Variants in NCAM2 observed in about 807,000 individuals in gnomAD.
NCAM2 encodes neural cell adhesion molecule 2.
A neutral mutation model predicts 98.1 loss-of-function variants in NCAM2; 30 were observed. That is an observed-to-expected ratio of 0.31 (90% CI 0.23 to 0.41). The LOEUF (loss-of-function observed/expected upper bound fraction) is 0.41. Among genes scored for constraint, NCAM2 ranks in the 10% least tolerant of loss-of-function variants. NCAM2 has a pLI of 1.00. For synonymous variants in NCAM2, 368 were observed against 342.4 expected, an observed-to-expected ratio of 1.07 and a Z score of -0.83; for missense variants, 867 against 1,005.8, an observed-to-expected ratio of 0.86 and a Z score of 1.87.
chr21:21,400,796 T>C (rs1489301934), intron 9 of NCAM2, among the ~76,000 whole-genome samples: 1 of 152,102 alleles, frequency 6.6e-6, no homozygotes, highest in Non-Finnish European at 1.5e-5. Context: ...CACCAGAGGC[T>C]TTTATAAACA....
chr21:21,101,453 G>A (rs1323919841), intron 1 of NCAM2, among the ~76,000 whole-genome samples: 3 of 152,002 alleles, frequency 2.0e-5, no homozygotes, highest in African/African-American at 7.2e-5. Flanking sequence ...ATGGACTCAT[G>A]CATACTCTCA....
chr21:21,013,774 T>A (rs1254882429), intron 1 of NCAM2, among the ~76,000 whole-genome samples: 1 of 129,024 alleles, frequency 7.8e-6, no homozygotes, highest in African/African-American at 2.9e-5. Context: ...AGAGTGAAAC[T>A]GCATCTCAAA....
intron 5 of NCAM2, among the ~76,000 whole-genome samples, chr21:21,306,340 T>G (rs2073878908): frequency 6.6e-6 from 1 of 152,150 alleles, no homozygotes; most frequent in African/African-American, 2.4e-5. Context: ...CAGTTTATTC[T>G]CCATGTATTT....
At chr21:21,477,250 T>G (rs77547323) in intron 14 of NCAM2, 41 bp from the exon 15 acceptor site, 1 of 1,467,288 alleles carries the variant, frequency 6.8e-7, no homozygotes, top group Non-Finnish European at 9.2e-7. Context: ...GTCACTTTAG[T>G]GTATGGATAT....
At chr21:21,003,378 C>T (rs1174822212) in intron 1 of NCAM2, among the ~76,000 whole-genome samples, 3 of 152,108 alleles carry the variant, frequency 2.0e-5, no homozygotes, top group Non-Finnish European at 4.4e-5. Context: ...TTACAACTCA[C>T]AGGGATGAAG....
At chr21:21,103,712 G>A (rs774231313) in intron 1 of NCAM2, among the ~76,000 whole-genome samples, 25 of 152,144 alleles carry the variant, frequency 1.6e-4, no homozygotes, top group Non-Finnish European at 2.2e-4. Context: ...TTAGAAATAC[G>A]TCTGTGTTTT....
intron 1 of NCAM2, among the ~76,000 whole-genome samples, chr21:21,109,868 G>C (rs2066421122): frequency 6.6e-6 from 1 of 152,170 alleles, no homozygotes; most frequent in Non-Finnish European, 1.5e-5. Context: ...AACAGAAAAT[G>C]CCAGTCATAT....
At position 21,538,059 on chromosome 21, in the gene NCAM2, C is replaced by T. The variant is rs986974307; in HGVS notation, c.*102C>T. ...TTGACCTTAATTTCTTGGGAAACTT[C>T]TAGCTTGGAATAGCTTGTACACATA... is the stretch of plus-strand genomic sequence containing the variant. On this transcript the variant is annotated 3_prime_UTR_variant, in exon 18 of 18. Coordinates refer to ENST00000400546, the MANE Select transcript of NCAM2 (RefSeq NM_004540.5). 1.2e-4 allele frequency: 74 copies of T among 600,216 alleles called. No individual in the cohort carries two copies. In the African/African-American group the frequency reaches 1.4e-3, roughly 11 times the overall value. 37.2% of individuals were successfully genotyped at this position (600,216 alleles called of 1,614,324 possible). A position where few individuals can be genotyped will look rare whatever the true frequency, so the allele number is the denominator to read the frequency against.
chr21:21,522,152 A>G (rs1438541988), intron 16 of NCAM2, among the ~76,000 whole-genome samples: 1 of 148,072 alleles, frequency 6.8e-6, no homozygotes, highest in African/African-American at 2.5e-5. Flanking sequence ...TATATGAATG[A>G]ATACTATATA....
intron 1 of NCAM2, among the ~76,000 whole-genome samples, chr21:21,232,522 G>A (rs1438684847): frequency 1.3e-5 from 2 of 151,484 alleles, no homozygotes; most frequent in Non-Finnish European, 3.0e-5. Context: ...TTTGGCATCA[G>A]AAGGGCAGTT....
At chr21:21,115,183 G>T (rs1601407120) in intron 1 of NCAM2, among the ~76,000 whole-genome samples, 1 of 152,132 alleles carries the variant, frequency 6.6e-6, no homozygotes, top group Non-Finnish European at 1.5e-5. Flanking sequence ...TGGCTAGTGA[G>T]TCCTTCAGGT....
chr21:21,417,439 A>G (rs925289446), intron 10 of NCAM2, among the ~76,000 whole-genome samples: 3 of 152,058 alleles, frequency 2.0e-5, no homozygotes, highest in Non-Finnish European at 2.9e-5. Context: ...TTTCAGAATT[A>G]TCATCTTCAA....
At chr21:21,211,195 G>A (rs2069648299) in intron 1 of NCAM2, among the ~76,000 whole-genome samples, 2 of 152,070 alleles carry the variant, frequency 1.3e-5, no homozygotes, top group South Asian at 2.1e-4. Context: ...CCCCGAATAC[G>A]AACTTAGCAG....
intron 1 of NCAM2, among the ~76,000 whole-genome samples, chr21:21,120,995 C>T (rs1228101847): frequency 2.0e-5 from 3 of 152,102 alleles, no homozygotes; most frequent in Admixed American, 6.6e-5. Flanking sequence ...GGATTACAGG[C>T]GTGAGCCACC....
intron 1 of NCAM2, among the ~76,000 whole-genome samples, chr21:21,118,322 A>C (rs2066605273): frequency 6.6e-6 from 1 of 152,156 alleles, no homozygotes; most frequent in Non-Finnish European, 1.5e-5. Context: ...CAAACAACCC[A>C]AAGATGCAGC....
At chr21:21,083,696 T>C (rs6518069) in intron 1 of NCAM2, among the ~76,000 whole-genome samples, 151,108 of 152,246 alleles carry the variant, frequency 0.99, 74,995 homozygotes, top group Middle Eastern at 1. Flanking sequence ...ATTACAGATG[T>C]GAGCCACCAC....
intron 6 of NCAM2, among the ~76,000 whole-genome samples, chr21:21,334,328 A>G (rs891517289): frequency 6.6e-6 from 1 of 152,194 alleles, no homozygotes; most frequent in South Asian, 2.1e-4. Context: ...TGTCATGAGA[A>G]ACTGGAACAA....
intron 1 of NCAM2, among the ~76,000 whole-genome samples, chr21:21,000,056 C>CA (rs1368829895): frequency 6.6e-6 from 1 of 152,192 alleles, no homozygotes; most frequent in African/African-American, 2.4e-5. Flanking sequence ...TCAGTCTTAG[C>CA]AAAATTGCAG....
chr21:21,021,974 T>A (rs1488549343), intron 1 of NCAM2, among the ~76,000 whole-genome samples: 1 of 152,156 alleles, frequency 6.6e-6, no homozygotes, highest in Non-Finnish European at 1.5e-5. Flanking sequence ...GATGCTCTGA[T>A]ATTGTTATTT....
Sources: gnomAD v4.1 joint callset for allele counts (sites outside exome capture counted in the v4.1 genomes callset) on GRCh38, gnomAD v4.1.1 for gene constraint, MANE v1.5 for transcripts, NCBI Gene and HGNC (gene_info 2026-07-23, HGNC 2026-07-21) for gene names.